The following BTNL8 variants were observed in gnomAD, a reference collection of about 807,000 sequenced individuals.
The protein encoded by BTNL8 is butyrophilin like 8.
In BTNL8, 22 loss-of-function variants were observed where a neutral mutation model predicts 36.1. The observed-to-expected ratio is 0.61, with a 90% CI of 0.44 to 0.87. The LOEUF (loss-of-function observed/expected upper bound fraction) is 0.87. BTNL8 is among the 40% of genes least tolerant of loss of function. The probability of loss-of-function intolerance (pLI) is 0.00; values close to 1 mark genes in which losing one functional copy is unlikely to be tolerated. For synonymous variants in BTNL8, 203 were observed against 235.6 expected (o/e 0.86, Z 1.27); for missense variants, 526 against 616.9 (o/e 0.85, Z 1.56).
At chr5:180,940,107 G>A (rs1758851903) in intron 3 of BTNL8, among the ~76,000 whole-genome samples, 1 of 152,142 alleles carries the variant, frequency 6.6e-6, no homozygotes, top group Non-Finnish European at 1.5e-5. Flanking sequence ...AGCACTTTGG[G>A]AGGCTGAGGT....
intron 3 of BTNL8, among the ~76,000 whole-genome samples, chr5:180,916,337 G>A (rs781644806): frequency 2.6e-5 from 4 of 151,874 alleles, no homozygotes; most frequent in Non-Finnish European, 4.4e-5. Context: ...AGCAAAACCA[G>A]TTCTAAAAGT....
At chr5:180,907,143 A>T (rs1285336219) in intron 1 of BTNL8, among the ~76,000 whole-genome samples, 1 of 119,458 alleles carries the variant, frequency 8.4e-6, no homozygotes, top group East Asian at 2.3e-4. Flanking sequence ...CATTCTCCCC[A>T]TCACTTTCAG....
At chr5:180,907,781 T>A (rs1757158976) in intron 1 of BTNL8, among the ~76,000 whole-genome samples, 1 of 151,918 alleles carries the variant, frequency 6.6e-6, no homozygotes, top group Admixed American at 6.6e-5. Flanking sequence ...CCCTGCCGTG[T>A]GAGGTGTCAG....
At chr5:180,947,315 G>A (rs774850444) in intron 3 of BTNL8, among the ~76,000 whole-genome samples, 197 bp from the exon 4 acceptor site, 1 of 152,268 alleles carries the variant, frequency 6.6e-6, no homozygotes, top group Non-Finnish European at 1.5e-5. Flanking sequence ...TGGCACAGTC[G>A]TTATCTGTTG....
Position 180,908,639 on chromosome 5 carries a change from G to A in BTNL8, c.103G>A (p.Asp35Asn). 2 of 1,614,230 alleles carry A rather than the reference G, an allele frequency of 1.2e-6. No homozygotes were observed. The highest frequency in any genetic ancestry group is 1.1e-5 in the South Asian group (1 of 91,078). The change falls in exon 2 of 8, where the codon GAC becomes AAC. Residue 35 changes from aspartate to asparagine, a missense_variant. This residue lies in a region of BTNL8 where 350 missense variants were observed against 324.6 expected (regional missense o/e 1.08). Transcript: ENST00000340184. ...GCCTGTCCAGGCCTTGGTGGGGGAG[G>A]ACGCAGCATTCTCCTGTTTCCTGTC... ...DKPVQALVGEDAAFSCFLSPK... is the reference protein window; with the variant it reads ...DKPVQALVGENAAFSCFLSPK...
chr5:180,907,772 C>G (rs1465246908), intron 1 of BTNL8, among the ~76,000 whole-genome samples: 2 of 151,644 alleles, frequency 1.3e-5, no homozygotes, highest in South Asian at 2.1e-4. Flanking sequence ...GTTGGAGTAC[C>G]CTGCCGTGTG....
At chr5:180,910,063 G>C (rs1024233978) in intron 2 of BTNL8, 1 of 152,144 alleles carries the variant, frequency 6.6e-6, no homozygotes, top group African/African-American at 2.4e-5. Context: ...GAGAGTTTCA[G>C]GTGAGCCCTC....
intron 3 of BTNL8, among the ~76,000 whole-genome samples, chr5:180,929,603 T>C (rs182691171): frequency 3.2e-4 from 48 of 151,986 alleles, no homozygotes; most frequent in African/African-American, 1.1e-3. Flanking sequence ...AGGAATCAAA[T>C]AGACACAATA....
At chr5:180,914,311 T>C (rs1757529529) in intron 3 of BTNL8, among the ~76,000 whole-genome samples, 2 of 152,158 alleles carry the variant, frequency 1.3e-5, no homozygotes, top group South Asian at 2.1e-4. Flanking sequence ...CAAGGTGCCA[T>C]CTTGAAACAG....
At position 180,908,904 on chromosome 5, in the gene BTNL8, A is replaced by G. The variant is rs1371761063; in HGVS notation, c.368A>G (p.Gln123Arg). The part of the protein sequence containing the change: ...GCRISSQSYY[Q>R]KAIWELQVSA... ...AGGATTAGTTCCCAGTCTTACTACC[A>G]GAAGGCCATCTGGGAGCTACAGGTG... The change falls in exon 2 of 8, where the codon CAG (glutamine) becomes CGG (arginine). Residue 123 changes from glutamine to arginine, a missense_variant. This residue lies in a region of BTNL8 where 350 missense variants were observed against 324.6 expected (regional missense o/e 1.08). Transcript: ENST00000340184. The G allele has an allele frequency of 4.3e-6, 7 of 1,613,568 alleles. No individual in the cohort carries two copies. Among genetic ancestry groups the G allele is most frequent in the Non-Finnish European group, 5.1e-6 (6 of 1,179,602 alleles).
chr5:180,904,943 G>T (rs1419594656), intron 1 of BTNL8, among the ~76,000 whole-genome samples: 1 of 151,236 alleles, frequency 6.6e-6, no homozygotes, highest in Non-Finnish European at 1.5e-5. Flanking sequence ...TTTTATTGAG[G>T]ATTTTTGCAT....
At chr5:180,910,691 C>T (rs1757347593) in intron 2 of BTNL8, among the ~76,000 whole-genome samples, 1 of 152,138 alleles carries the variant, frequency 6.6e-6, no homozygotes, top group African/African-American at 2.4e-5. Flanking sequence ...ACCCCCACAC[C>T]ACTGGCTGCC....
Position 180,950,007 on chromosome 5 carries a change from G to A in BTNL8, c.966G>A (p.Glu322=). 1 of 1,462,678 alleles carries A rather than the reference G, an allele frequency of 6.8e-7. No individual in the cohort carries two copies. The highest frequency in any genetic ancestry group is 9.4e-7 in the Non-Finnish European group (1 of 1,058,796). 90.6% of individuals were successfully genotyped at this position (1,462,678 alleles called of 1,614,324 possible). A position where few individuals can be genotyped will look rare whatever the true frequency, so the allele number is the denominator to read the frequency against. Residue 322 remains glutamate (E), a synonymous_variant, in exon 8 of 8, where the codon GAG becomes GAA. Transcript: ENST00000340184. ...CTCCCCAGGAGGTGCCTCACTCTGA[G>A]AAGAGATTTACAAGGAAGAGTGTGG... ...RKAPQEVPHS[E]KRFTRKSVVA... is the part of the protein sequence containing the mutation.
chr5:180,946,924 T>G (rs529976529), intron 3 of BTNL8, among the ~76,000 whole-genome samples: 2 of 152,152 alleles, frequency 1.3e-5, no homozygotes, highest in Non-Finnish European at 2.9e-5. Context: ...AGGGAAGAGA[T>G]AGTTTTTCAG....
chr5:180,934,167 T>C (rs982930775), intron 3 of BTNL8, among the ~76,000 whole-genome samples: 1 of 152,184 alleles, frequency 6.6e-6, no homozygotes, highest in Non-Finnish European at 1.5e-5. Flanking sequence ...ATATAACATA[T>C]AAGCAAAGTG....
intron 3 of BTNL8, among the ~76,000 whole-genome samples, chr5:180,929,922 C>T (rs761592863): frequency 2.1e-5 from 3 of 145,542 alleles, no homozygotes; most frequent in Non-Finnish European, 3.0e-5. Flanking sequence ...AGAAACTATT[C>T]CAAACAATAG....
intron 3 of BTNL8, among the ~76,000 whole-genome samples, chr5:180,943,130 C>T (rs1207683898): frequency 7.0e-5 from 7 of 100,656 alleles, no homozygotes; most frequent in African/African-American, 2.0e-4. Flanking sequence ...GGAAGATAGA[C>T]TTTTTTTTTT....
intron 3 of BTNL8, among the ~76,000 whole-genome samples, chr5:180,928,845 A>G (rs1421415474): frequency 6.6e-6 from 1 of 152,190 alleles, no homozygotes; most frequent in Admixed American, 6.5e-5. Context: ...AGAGACTTAG[A>G]CTCCCACACA....
At chr5:180,926,158 G>T (rs182294261) in intron 3 of BTNL8, among the ~76,000 whole-genome samples, 42 of 152,310 alleles carry the variant, frequency 2.8e-4, no homozygotes, top group African/African-American at 9.6e-4. Flanking sequence ...TAGACAGTGG[G>T]TGCAGCCCAC....
Sources: gnomAD v4.1 joint callset for allele counts (sites outside exome capture counted in the v4.1 genomes callset) on GRCh38, gnomAD v4.1.1 for gene constraint, gnomAD v4.1.1 regional missense constraint, MANE v1.5 for transcripts, NCBI Gene and HGNC (gene_info 2026-07-23, HGNC 2026-07-21) for gene names.